The following RAD51B variants were observed in gnomAD, a reference collection of about 807,000 sequenced individuals.
RAD51B encodes the protein DNA repair protein RAD51 homolog 2.
RAD51B carries 38 observed loss-of-function variants against 42.2 expected under a neutral mutation model. The ratio of observed to expected loss-of-function variants is 0.90; its 90% CI spans 0.70 to 1.18. RAD51B has a LOEUF of 1.18. Among genes scored for constraint, RAD51B ranks in the 50% most tolerant of loss-of-function variants. The pLI is 0.00. For missense variants in RAD51B, 373 were observed against 400.7 expected (o/e 0.93, Z 0.59); for synonymous variants, 154 against 145.2 (o/e 1.06, Z -0.43).
intron 7 of RAD51B, among the ~76,000 whole-genome samples, chr14:68,184,191 G>T (rs2079110201): frequency 6.6e-6 from 1 of 152,084 alleles, no homozygotes; most frequent in Non-Finnish European, 1.5e-5. Context: ...GCTGATGTGG[G>T]AGGATCACTT....
intron 3 of RAD51B, among the ~76,000 whole-genome samples, chr14:67,829,321 C>A (rs2040948137): frequency 6.6e-6 from 1 of 151,950 alleles, no homozygotes; most frequent in South Asian, 2.1e-4. Context: ...TGGCTCACTG[C>A]AAGCTCTGCC....
intron 7 of RAD51B, among the ~76,000 whole-genome samples, chr14:68,029,225 T>A (rs1381895285): frequency 6.6e-6 from 1 of 152,266 alleles, no homozygotes; most frequent in Non-Finnish European, 1.5e-5. Context: ...TGTGTTGGTT[T>A]ACTTGAAATT....
downstream of RAD51B, among the ~76,000 whole-genome samples, chr14:68,614,275 G>A (rs1595029033): frequency 2.0e-5 from 3 of 152,296 alleles, 1 homozygote; most frequent in East Asian, 5.8e-4. Flanking sequence ...CCATATTGCT[G>A]AGAAGAGTCT....
chr14:68,301,592 GT>G (rs139865933), intron 8 of RAD51B, among the ~76,000 whole-genome samples: 1,979 of 109,634 alleles, frequency 0.018, 11 homozygotes, highest in East Asian at 0.085. Context: ...TTGTTTGTGT[GT>G]TTTTTTTTTT....
intron 8 of RAD51B, among the ~76,000 whole-genome samples, chr14:68,293,368 T>C (rs2081551676): frequency 1.3e-5 from 2 of 152,364 alleles, no homozygotes; most frequent in South Asian, 2.1e-4. Context: ...ATTTATACCA[T>C]GGAAATCAGC....
At chr14:68,571,833 T>A (rs1230215879) in intron 10 of RAD51B, among the ~76,000 whole-genome samples, 1 of 151,862 alleles carries the variant, frequency 6.6e-6, no homozygotes, top group Admixed American at 6.6e-5. Flanking sequence ...TTTTTGAGAA[T>A]CTCCTTGGCT....
intron 8 of RAD51B, among the ~76,000 whole-genome samples, chr14:68,360,495 C>T (rs1172348235): frequency 1.3e-5 from 2 of 152,216 alleles, no homozygotes; most frequent in Non-Finnish European, 2.9e-5. Flanking sequence ...CTTCGTGTTA[C>T]CAGCAGCAGC....
chr14:68,632,968 C>CTTTTTTTTTTTTTTTTTTT (rs397852024), intron 10 of RAD51B, among the ~76,000 whole-genome samples: 79 of 59,430 alleles, frequency 1.3e-3, no homozygotes, highest in Non-Finnish European at 2.0e-3. Context: ...TTTTCTTTTT[C>CTTTTTTTTTTTTTTTTTTT]TTTTTTTTTT....
At chr14:68,299,399 T>G (rs1465650428) in intron 8 of RAD51B, among the ~76,000 whole-genome samples, 3 of 152,146 alleles carry the variant, frequency 2.0e-5, no homozygotes, top group Non-Finnish European at 4.4e-5. Flanking sequence ...AACACAGACC[T>G]TTTTCCTTGT....
chr14:68,515,161 T>G (rs1241627005), intron 10 of RAD51B, among the ~76,000 whole-genome samples: 2 of 152,242 alleles, frequency 1.3e-5, no homozygotes, highest in South Asian at 4.1e-4. Context: ...CTTACTAACC[T>G]TTCCTTTAGT....
At chr14:67,962,385 A>G (rs1026009585) in intron 7 of RAD51B, among the ~76,000 whole-genome samples, 1 of 152,106 alleles carries the variant, frequency 6.6e-6, no homozygotes, top group Non-Finnish European at 1.5e-5. Flanking sequence ...AAGGTTCAAC[A>G]TCATGTCATA....
chr14:68,678,426 GA>G (rs1171902834), intron 11 of RAD51B, among the ~76,000 whole-genome samples: 2 of 152,356 alleles, frequency 1.3e-5, no homozygotes, highest in Non-Finnish European at 1.5e-5. Flanking sequence ...ACTATTTATT[GA>G]GAGCTTTCTG....
At chr14:67,937,767 C>T (rs1595135227) in intron 7 of RAD51B, among the ~76,000 whole-genome samples, 1 of 152,020 alleles carries the variant, frequency 6.6e-6, no homozygotes, top group Middle Eastern at 3.4e-3. Context: ...TTCTTCAGCC[C>T]CTTACCACAG....
intron 10 of RAD51B, among the ~76,000 whole-genome samples, chr14:68,628,835 C>T (rs1424145696): frequency 4.6e-5 from 7 of 152,096 alleles, no homozygotes; most frequent in Non-Finnish European, 1.0e-4. Context: ...TTCGGCTGAG[C>T]CCCCAGCCTC....
At chr14:67,948,931 C>CAAAAAAAAAAAAAAAAAAAAAAAAAA (rs59465805) in intron 7 of RAD51B, among the ~76,000 whole-genome samples, 1 of 17,070 alleles carries the variant, frequency 5.9e-5, no homozygotes, top group Non-Finnish European at 1.2e-4. Context: ...GACTCTGTCT[C>CAAAAAAAAAAAAAAAAAAAAAAAAAA]AAAAAAAAAA....
At chr14:68,364,326 A>C (rs1319132924) in intron 8 of RAD51B, among the ~76,000 whole-genome samples, 1 of 152,104 alleles carries the variant, frequency 6.6e-6, no homozygotes, top group Non-Finnish European at 1.5e-5. Context: ...CTTTGTGGGG[A>C]GGGCCAATTT....
downstream of RAD51B, among the ~76,000 whole-genome samples, chr14:68,600,712 G>A (rs1221376153): frequency 2.0e-5 from 3 of 152,092 alleles, no homozygotes; most frequent in Admixed American, 2.0e-4. Context: ...ATTTATAAAG[G>A]CCTTTGTCCA....
intron 7 of RAD51B, among the ~76,000 whole-genome samples, chr14:68,268,173 T>G (rs1178000174): frequency 6.6e-6 from 1 of 152,236 alleles, no homozygotes; most frequent in African/African-American, 2.4e-5. Flanking sequence ...TTCTGGGAAC[T>G]ATCACTTCAG....
chr14:68,447,811 C>G (rs1159318319), intron 9 of RAD51B, among the ~76,000 whole-genome samples: 1 of 151,804 alleles, frequency 6.6e-6, no homozygotes, highest in African/African-American at 2.4e-5. Flanking sequence ...ACAACCTTTT[C>G]TGGGTTAGTT....
Sources: gnomAD v4.1 joint callset for allele counts (sites outside exome capture counted in the v4.1 genomes callset) on GRCh38, gnomAD v4.1.1 for gene constraint, MANE v1.5 for transcripts, NCBI Gene and HGNC (gene_info 2026-07-23, HGNC 2026-07-21) for gene names.